The following SEMA3E variants were observed in gnomAD, a reference collection of about 807,000 sequenced individuals.
The protein encoded by SEMA3E is semaphorin 3E.
A neutral mutation model predicts 93.6 loss-of-function variants in SEMA3E; 49 were observed. The observed-to-expected ratio is 0.52, with a 90% CI of 0.42 to 0.66. The LOEUF (loss-of-function observed/expected upper bound fraction) is 0.66, where lower values mean the gene tolerates loss of function less well. Among genes scored for constraint, SEMA3E ranks in the 30% least tolerant of loss-of-function variants. The pLI is 0.00. For missense variants in SEMA3E, 906 were observed against 964.8 expected, an observed-to-expected ratio of 0.94 and a Z score of 0.81; for synonymous variants, 363 against 330.7, an observed-to-expected ratio of 1.10 and a Z score of -1.06.
At chr7:83,639,127 A>AC (rs1562866008) in intron 1 of SEMA3E, among the ~76,000 whole-genome samples, 8 of 140,072 alleles carry the variant, frequency 5.7e-5, no homozygotes, top group African/African-American at 2.2e-4. Context: ...AAAAAAAAAA[A>AC]AAAAAAAAAA....
At chr7:83,490,492 A>T (rs541300541) in intron 1 of SEMA3E, among the ~76,000 whole-genome samples, 2 of 152,158 alleles carry the variant, frequency 1.3e-5, no homozygotes, top group East Asian at 3.9e-4. Context: ...TAAGAAAAAT[A>T]TTCTATATTT....
chr7:83,494,708 A>C (rs549560512), intron 1 of SEMA3E, among the ~76,000 whole-genome samples: 2 of 152,048 alleles, frequency 1.3e-5, no homozygotes, highest in African/African-American at 4.8e-5. Flanking sequence ...CACTGTACTG[A>C]TTCTAAAGGG....
intron 1 of SEMA3E, among the ~76,000 whole-genome samples, chr7:83,561,301 A>T (rs1454380969): frequency 6.6e-6 from 1 of 152,132 alleles, no homozygotes; most frequent in Non-Finnish European, 1.5e-5. Flanking sequence ...AGTTTATTCA[A>T]GTAAAAAATT....
chr7:83,575,419 T>C (rs1180444990), intron 1 of SEMA3E, among the ~76,000 whole-genome samples: 2 of 150,230 alleles, frequency 1.3e-5, no homozygotes, highest in African/African-American at 5.0e-5. Flanking sequence ...ATGTAAATAT[T>C]ATTTAATAGT....
At chr7:83,420,308 TACAAACAAATGGAAAC>T (rs376137921) in intron 4 of SEMA3E, among the ~76,000 whole-genome samples, 41 of 152,060 alleles carry the variant, frequency 2.7e-4, no homozygotes, top group African/African-American at 9.4e-4. Context: ...ATATAGATGA[TACAAACAAATGGAAAC>T]ACATTCCATT....
Position 83,363,385 on chromosome 7 carries a change from C to T in SEMA3E, c.*4201G>A, listed in dbSNP as rs1794613822. On this transcript the variant is annotated 3_prime_UTR_variant, in exon 17 of 17. Coordinates refer to ENST00000643230, the MANE Select transcript of SEMA3E (RefSeq NM_012431.3). ...GGTCCCTGCAGCTTGCCACCAGATGCTAATAAGTCTCATGGCTTAGAATCA... is the reference window on the plus strand; with the variant it reads ...GGTCCCTGCAGCTTGCCACCAGATGTTAATAAGTCTCATGGCTTAGAATCA... 1 of 152,102 alleles carries T rather than the reference C, an allele frequency of 6.6e-6. No homozygotes were observed. The highest frequency in any genetic ancestry group is 1.5e-5 in the Non-Finnish European group (1 of 68,048). 9.4% of individuals were successfully genotyped at this position (152,102 alleles called of 1,614,324 possible).
At chr7:83,511,621 A>T (rs776094698) in intron 1 of SEMA3E, among the ~76,000 whole-genome samples, 3 of 152,192 alleles carry the variant, frequency 2.0e-5, no homozygotes, top group Non-Finnish European at 4.4e-5. Context: ...GCGGTGGCTC[A>T]TGCCTGTAAT....
intron 1 of SEMA3E, among the ~76,000 whole-genome samples, chr7:83,608,140 G>T (rs766579317): frequency 6.6e-6 from 1 of 151,980 alleles, no homozygotes; most frequent in African/African-American, 2.4e-5. Flanking sequence ...TTGAACCCAG[G>T]AGGCAGAGGT....
chr7:83,592,430 T>C (rs1792774180), intron 1 of SEMA3E, among the ~76,000 whole-genome samples: 1 of 150,644 alleles, frequency 6.6e-6, no homozygotes, highest in African/African-American at 2.4e-5. Context: ...TTTTGGTTTA[T>C]GTAATTTTAA....
chr7:83,454,272 A>AAAAAAAAAAATATATATAT (rs1257792756), intron 4 of SEMA3E, among the ~76,000 whole-genome samples: 3 of 110,132 alleles, frequency 2.7e-5, no homozygotes, highest in Admixed American at 1.1e-4. Flanking sequence ...AAAAAAAAAA[A>AAAAAAAAAAATATATATAT]ATATATATAT....
chr7:83,438,283 T>C (rs896327796), intron 4 of SEMA3E, among the ~76,000 whole-genome samples: 5 of 152,228 alleles, frequency 3.3e-5, no homozygotes, highest in African/African-American at 1.2e-4. Context: ...AAATTTATAA[T>C]TCATGTAGAA....
At chr7:83,640,532 G>T (rs1277721468) in intron 1 of SEMA3E, among the ~76,000 whole-genome samples, 1 of 152,064 alleles carries the variant, frequency 6.6e-6, no homozygotes, top group Admixed American at 6.6e-5. Flanking sequence ...TGTCCAGGTG[G>T]CTAGTAAGCT....
chr7:83,559,707 T>C (rs551132176), intron 1 of SEMA3E, among the ~76,000 whole-genome samples: 1 of 152,088 alleles, frequency 6.6e-6, no homozygotes, highest in African/African-American at 2.4e-5. Flanking sequence ...AATCCAGCAA[T>C]TGCACTCCTT....
chr7:83,462,652 T>G (rs2115864439), intron 4 of SEMA3E, among the ~76,000 whole-genome samples: 1 of 151,828 alleles, frequency 6.6e-6, no homozygotes, highest in East Asian at 2.0e-4. Context: ...AACGCCAATA[T>G]CCCATCCCGC....
intron 1 of SEMA3E, among the ~76,000 whole-genome samples, chr7:83,598,886 A>G (rs989096839): frequency 4.6e-5 from 7 of 152,176 alleles, no homozygotes; most frequent in African/African-American, 1.7e-4. Context: ...ATATCTTTAT[A>G]CCTCTTTGAC....
intron 4 of SEMA3E, among the ~76,000 whole-genome samples, chr7:83,453,366 G>A (rs887633995): frequency 1.3e-5 from 2 of 149,518 alleles, no homozygotes; most frequent in African/African-American, 2.5e-5. Flanking sequence ...TATCTGTTTC[G>A]CATTTAACTT....
At chr7:83,444,338 T>C (rs1039281693) in intron 4 of SEMA3E, among the ~76,000 whole-genome samples, 3 of 152,188 alleles carry the variant, frequency 2.0e-5, no homozygotes, top group South Asian at 2.1e-4. Flanking sequence ...GAAGGAAGCA[T>C]AGGATCTGTC....
intron 1 of SEMA3E, among the ~76,000 whole-genome samples, chr7:83,505,137 T>C (rs1449597853): frequency 6.6e-6 from 1 of 152,152 alleles, no homozygotes; most frequent in African/African-American, 2.4e-5. Context: ...TCAAATAATA[T>C]TTACTTTTAA....
intron 1 of SEMA3E, among the ~76,000 whole-genome samples, chr7:83,548,536 G>A (rs1458796524): frequency 6.6e-6 from 1 of 152,020 alleles, no homozygotes; most frequent in African/African-American, 2.4e-5. Context: ...AGAGAGTCTA[G>A]AGATCTTTAG....
Sources: gnomAD v4.1 joint callset for allele counts (sites outside exome capture counted in the v4.1 genomes callset) on GRCh38, gnomAD v4.1.1 for gene constraint, MANE v1.5 for transcripts, NCBI Gene and HGNC (gene_info 2026-07-23, HGNC 2026-07-21) for gene names.